Variants in TMIGD3 observed in about 807,000 individuals in gnomAD.
TMIGD3 encodes the protein transmembrane and immunoglobulin domain containing 3, also known as AD026 protein (AD026).
TMIGD3 carries 21 observed loss-of-function variants against 28.1 expected under a neutral mutation model. The ratio of observed to expected loss-of-function variants is 0.75; its 90% CI spans 0.53 to 1.08. The LOEUF is 1.08. TMIGD3 is among the 50% of genes least tolerant of loss of function. The pLI is 0.00. For synonymous variants in TMIGD3, 151 were observed against 162.1 expected (o/e 0.93, Z 0.52); for missense variants, 416 against 435.6 (o/e 0.96, Z 0.40).
chr1:111,507,902 G>A (rs886706771), upstream of TMIGD3, among the ~76,000 whole-genome samples: 3 of 152,238 alleles, frequency 2.0e-5, no homozygotes, highest in African/African-American at 7.2e-5. Flanking sequence ...TCCGGGCTCT[G>A]CCTCTCCATC....
chr1:111,485,624 T>G lies in TMIGD3; in HGVS notation c.973+116A>C, dbSNP rs1654326359. On this transcript the variant is annotated intron_variant, in intron 5 of 5. Coordinates refer to ENST00000369716, the MANE Select transcript of TMIGD3 (RefSeq NM_020683.7). ...CAGCCCATGGCTGGCTGCATTGGTC[T>G]CCAGGTGACCAGGCAATATGAAGAG... is the stretch of plus-strand genomic sequence containing the variant. 8.9e-6 allele frequency: 7 copies of G among 784,428 alleles called. No homozygotes were observed. In the East Asian group the frequency reaches 1.9e-4, roughly 21 times the overall value. 48.6% of individuals were successfully genotyped at this position (784,428 alleles called of 1,614,324 possible).
chr1:111,536,590 C>G (rs1483041632), intron 1 of TMIGD3, among the ~76,000 whole-genome samples: 1 of 152,130 alleles, frequency 6.6e-6, no homozygotes, highest in African/African-American at 2.4e-5. Context: ...TTCTTTGAAT[C>G]CATTTCATCG....
chr1:111,520,363 G>A (rs1359976098), intron 1 of TMIGD3, among the ~76,000 whole-genome samples: 1 of 152,134 alleles, frequency 6.6e-6, no homozygotes, highest in Non-Finnish European at 1.5e-5. Flanking sequence ...TCACAGAAAA[G>A]TTTTTATTAC....
rs1656016555 is a variant in TMIGD3, at chr1:111,520,369, A to G, written c.108-29607T>C. Among the ~76,000 whole-genome samples the G allele has an allele frequency of 2.0e-5, 3 of 152,228 alleles. No homozygotes were observed. The South Asian group carries it at 6.2e-4, about 32-fold the overall frequency. On this transcript the variant is annotated intron_variant, in intron 1 of 5. Transcript: ENST00000369717. Reference sequence around the variant, plus strand: ...CTAGAGTCATCACAGAAAAGTTTTTATTACAAGATCATAAAATCAACAATC... The same window carrying G: ...CTAGAGTCATCACAGAAAAGTTTTTGTTACAAGATCATAAAATCAACAATC...
intron 1 of TMIGD3, among the ~76,000 whole-genome samples, chr1:111,519,225 C>T (rs1655971997): frequency 6.6e-6 from 1 of 152,182 alleles, no homozygotes; most frequent in Non-Finnish European, 1.5e-5. Flanking sequence ...AGGCGTGAGC[C>T]ACCGCAACCA....
At chr1:111,507,895 G>C (rs1327755291), upstream of TMIGD3, among the ~76,000 whole-genome samples, 1 of 152,204 alleles carries the variant, frequency 6.6e-6, no homozygotes, top group Non-Finnish European at 1.5e-5. Context: ...ACCACTCTCC[G>C]GGCTCTGCCT....
At chr1:111,508,412 T>C (rs1655586641), upstream of TMIGD3, among the ~76,000 whole-genome samples, 1 of 152,216 alleles carries the variant, frequency 6.6e-6, no homozygotes, top group South Asian at 2.1e-4. Context: ...ACGTTTCTGT[T>C]GTCACTCGGG....
At chr1:111,562,892 G>T (rs1657795437) in intron 1 of TMIGD3, among the ~76,000 whole-genome samples, 1 of 152,194 alleles carries the variant, frequency 6.6e-6, no homozygotes, top group South Asian at 2.1e-4. Context: ...GCTTAGCCTT[G>T]TGCTGGTAGC....
chr1:111,537,004 C>T (rs1374732895), intron 1 of TMIGD3, among the ~76,000 whole-genome samples: 6 of 152,220 alleles, frequency 3.9e-5, no homozygotes, highest in Non-Finnish European at 5.9e-5. Flanking sequence ...TAGTACTTAG[C>T]AATTCAGGTT....
intron 1 of TMIGD3, chr1:111,499,367 G>A: frequency 1.0e-6 from 1 of 973,204 alleles, no homozygotes; most frequent in Non-Finnish European, 1.2e-6. Flanking sequence ...CAAGCTTAGT[G>A]CCAAAGACAG....
intron 1 of TMIGD3, among the ~76,000 whole-genome samples, chr1:111,554,361 G>A (rs1441067512): frequency 6.6e-6 from 1 of 152,154 alleles, no homozygotes; most frequent in African/African-American, 2.4e-5. Flanking sequence ...AACATCTTTT[G>A]TTTGACAAAA....
intron 1 of TMIGD3, chr1:111,500,439 C>T (rs765592717): frequency 3.1e-6 from 5 of 1,614,216 alleles, no homozygotes; most frequent in Non-Finnish European, 3.4e-6. Context: ...TTCTGTGGTA[C>T]TCTGAGGTCA....
intron 1 of TMIGD3, among the ~76,000 whole-genome samples, chr1:111,530,418 A>G (rs1417208239): frequency 2.6e-5 from 4 of 152,014 alleles, no homozygotes; most frequent in African/African-American, 9.7e-5. Context: ...ATTGCTCTTT[A>G]TTCCTTTGTA....
upstream of TMIGD3, among the ~76,000 whole-genome samples, chr1:111,505,803 C>A (rs887207012): frequency 6.6e-6 from 1 of 152,140 alleles, no homozygotes; most frequent in Non-Finnish European, 1.5e-5. Flanking sequence ...CCCAGGATGA[C>A]CCCTGCCCCT....
At chr1:111,541,904 G>A (rs1656841065) in intron 1 of TMIGD3, among the ~76,000 whole-genome samples, 1 of 152,120 alleles carries the variant, frequency 6.6e-6, no homozygotes, top group African/African-American at 2.4e-5. Flanking sequence ...GGTTGAGAAA[G>A]TCCTAAGTCA....
At chr1:111,513,450 T>C (rs1318567979) in intron 1 of TMIGD3, among the ~76,000 whole-genome samples, 1 of 152,214 alleles carries the variant, frequency 6.6e-6, no homozygotes, top group African/African-American at 2.4e-5. Flanking sequence ...CATCCTCTAA[T>C]CTTTCATTAA....
intron 2 of TMIGD3, chr1:111,489,843 A>T: frequency 2.8e-6 from 2 of 707,342 alleles, no homozygotes; most frequent in Non-Finnish European, 3.5e-6. Context: ...CACCTCTATC[A>T]TCTCAGGATA....
chr1:111,510,317 T>C (rs1437676289), intron 1 of TMIGD3, among the ~76,000 whole-genome samples: 1 of 152,188 alleles, frequency 6.6e-6, no homozygotes, highest in Non-Finnish European at 1.5e-5. Flanking sequence ...TTAGTCCCTC[T>C]GCTTTGTATG....
At chr1:111,539,498 G>A (rs190310461) in intron 1 of TMIGD3, among the ~76,000 whole-genome samples, 192 of 152,138 alleles carry the variant, frequency 1.3e-3, no homozygotes, top group Non-Finnish European at 2.1e-3. Context: ...GGATTTCACC[G>A]TGTTGGCCAG....
Sources: gnomAD v4.1 joint callset for allele counts (sites outside exome capture counted in the v4.1 genomes callset) on GRCh38, gnomAD v4.1.1 for gene constraint, MANE v1.5 for transcripts, NCBI Gene and HGNC (gene_info 2026-07-23, HGNC 2026-07-21) for gene names.